The following ANKFN1 variants were observed in gnomAD, a reference collection of about 807,000 sequenced individuals.
The protein encoded by ANKFN1 is ankyrin repeat and fibronectin type III domain containing 1.
Under a neutral mutation model 108.7 loss-of-function variants are expected in ANKFN1, and 74 were observed. The observed-to-expected ratio is 0.68, with a 90% CI of 0.56 to 0.83. The LOEUF is 0.83. Ranked by LOEUF, ANKFN1 falls within the 40% of genes least tolerant of loss-of-function variation. ANKFN1 has a pLI of 0.00. For missense variants in ANKFN1, 1,505 were observed against 1,382.3 expected (o/e 1.09, Z -1.41); for synonymous variants, 547 against 516.2 (o/e 1.06, Z -0.81).
intron 1 of ANKFN1, among the ~76,000 whole-genome samples, chr17:56,181,406 T>C (rs187305730): frequency 2.0e-5 from 3 of 152,320 alleles, no homozygotes; most frequent in Admixed American, 6.5e-5. Context: ...ATAAATAGTG[T>C]GTCATTTCTT....
At chr17:56,300,232 G>A (rs538481432) in intron 3 of ANKFN1, among the ~76,000 whole-genome samples, 1 of 152,286 alleles carries the variant, frequency 6.6e-6, no homozygotes, top group African/African-American at 2.4e-5. Flanking sequence ...ATCAGAGCAT[G>A]AGTTTGTAAA....
chr17:56,074,030 G>C (rs1433989481), intron 4 of ANKFN1, among the ~76,000 whole-genome samples: 6 of 152,186 alleles, frequency 3.9e-5, no homozygotes, highest in African/African-American at 1.4e-4. Flanking sequence ...GAATTTCTGG[G>C]TCATATGGTA....
chr17:56,499,070 A>G lies in ANKFN1; in HGVS notation c.2616A>G (p.Pro872=). The change falls in exon 20 of 21, where the codon CCA becomes CCG. Residue 872 remains proline, a synonymous_variant. Transcript: ENST00000682825. The stretch of plus-strand genomic sequence containing the variant: ...GTCTTCCATCCCCACCCCCATCCCC[A>G]GAGATGCACAGAAGAAAGACAGTGA... ...IDCLPSPPPS[P]EMHRRKTVSD... The G allele has an allele frequency of 6.5e-7, 1 of 1,535,418 alleles. No individual in the cohort carries two copies.
intron 4 of ANKFN1, among the ~76,000 whole-genome samples, chr17:56,345,812 C>T (rs1202905919): frequency 6.6e-6 from 1 of 152,116 alleles, no homozygotes; most frequent in Admixed American, 6.6e-5. Flanking sequence ...GGGCAGATTG[C>T]AAAAGTTTTC....
In ANKFN1 at chr17:56,515,198, T is replaced by C. The variant is rs1044158324; in HGVS notation, c.*3929T>C. Among the ~76,000 whole-genome samples, 1 of 152,204 alleles carries C rather than the reference T, an allele frequency of 6.6e-6. No homozygotes were observed. The highest frequency in any genetic ancestry group is 1.5e-5 in the Non-Finnish European group (1 of 68,038). On this transcript the variant is annotated 3_prime_UTR_variant, in exon 21 of 21. Transcript: ENST00000682825. ...TGTTAGGAAGGTGATGACATTTTTCTACAGCTCTCTCAACTTCGTATGTAG... is the reference window on the plus strand; with the variant it reads ...TGTTAGGAAGGTGATGACATTTTTCCACAGCTCTCTCAACTTCGTATGTAG...
intron 3 of ANKFN1, among the ~76,000 whole-genome samples, chr17:56,235,102 G>A (rs551035644): frequency 3.3e-5 from 5 of 152,062 alleles, no homozygotes; most frequent in African/African-American, 4.8e-5. Flanking sequence ...TCTAATGTTC[G>A]GTGATATTTG....
chr17:56,113,890 G>C (rs1440941592), intron 4 of ANKFN1, among the ~76,000 whole-genome samples: 2 of 152,118 alleles, frequency 1.3e-5, no homozygotes, highest in Non-Finnish European at 2.9e-5. Flanking sequence ...TTGATCCTTT[G>C]TAGAGCAGAG....
chr17:56,349,827 G>C (rs915816780), intron 4 of ANKFN1, among the ~76,000 whole-genome samples: 6 of 152,254 alleles, frequency 3.9e-5, no homozygotes, highest in African/African-American at 1.4e-4. Flanking sequence ...GCAGTGACAT[G>C]CTCCAGAGAA....
At chr17:56,469,000 G>C (rs777782189) in intron 15 of ANKFN1, among the ~76,000 whole-genome samples, 2 of 152,162 alleles carry the variant, frequency 1.3e-5, no homozygotes, top group Non-Finnish European at 2.9e-5. Context: ...GGCTACCTTT[G>C]CTCCTAGAAA....
chr17:56,455,867 G>C (rs2049675567), intron 11 of ANKFN1, among the ~76,000 whole-genome samples: 1 of 152,142 alleles, frequency 6.6e-6, no homozygotes, highest in Admixed American at 6.5e-5. Flanking sequence ...TGTTTTCCCA[G>C]GCACTGACTT....
chr17:56,330,928 A>G (rs912380355), intron 4 of ANKFN1, among the ~76,000 whole-genome samples: 1 of 152,154 alleles, frequency 6.6e-6, no homozygotes, highest in Non-Finnish European at 1.5e-5. Flanking sequence ...CACTTAATAT[A>G]TATACATTAA....
chr17:56,510,737 T>TC lies in ANKFN1; in HGVS notation c.2911dup (p.His971ProfsTer2). On this transcript the variant is annotated frameshift_variant, in exon 21 of 21. Transcript: ENST00000682825. LOFTEE classifies it low-confidence loss of function (END_TRUNC). The stretch of plus-strand genomic sequence containing the variant: ...CCCGATCACTCATGTGCCGAGTTTC[T>TC]CCATAGCCTGACCCTCACGGGGTTC... The TC allele has an allele frequency of 1.3e-6, 2 of 1,536,008 alleles. No homozygotes were observed. Among genetic ancestry groups the TC allele is most frequent in the South Asian group, 1.2e-5 (1 of 84,052 alleles).
Position 56,492,302 on chromosome 17 carries a change from C to T in ANKFN1, c.2376C>T (p.Ser792=), listed in dbSNP as rs775723907. ...CCCTCAGGGAAGCAATCTCAGACAG[C>T]GAGGTTGCAGCTGCCAAACAAAGAC... ...QQSLREAISD[S]EVAAAKQRHQ... is the part of the protein sequence containing the mutation. The change falls in exon 19 of 21, where the codon AGC becomes AGT. Residue 792 remains serine, a synonymous_variant. Coordinates refer to ENST00000682825, the MANE Select transcript of ANKFN1 (RefSeq NM_001370326.1). 8 of 702,338 alleles carry T rather than the reference C, an allele frequency of 1.1e-5. No homozygotes were observed. The highest frequency in any genetic ancestry group is 4.0e-5 in the Admixed American group (2 of 49,980). 43.5% of individuals were successfully genotyped at this position (702,338 alleles called of 1,614,324 possible). A position where few individuals can be genotyped will look rare whatever the true frequency, so the allele number is the denominator to read the frequency against.
chr17:56,191,486 TGG>T, intron 1 of ANKFN1, among the ~76,000 whole-genome samples: 1 of 48,014 alleles, frequency 2.1e-5, no homozygotes, highest in Non-Finnish European at 3.2e-5. Flanking sequence ...TTAGTTTGGC[TGG>T]ATATGAAATT....
intron 8 of ANKFN1, among the ~76,000 whole-genome samples, chr17:56,393,865 C>T (rs1443432916): frequency 2.0e-5 from 3 of 152,116 alleles, no homozygotes; most frequent in Non-Finnish European, 2.9e-5. Flanking sequence ...CAGTTGCTGC[C>T]GTAATAGTGG....
At chr17:56,417,486 AC>A (rs1184010512) in intron 8 of ANKFN1, among the ~76,000 whole-genome samples, 1 of 152,226 alleles carries the variant, frequency 6.6e-6, no homozygotes, top group Non-Finnish European at 1.5e-5. Context: ...TGCAGCAGGG[AC>A]TATATAGTCA....
chr17:56,476,266 G>A (rs982206662), intron 15 of ANKFN1, among the ~76,000 whole-genome samples: 10 of 152,148 alleles, frequency 6.6e-5, no homozygotes, highest in African/African-American at 2.4e-4. Context: ...CTGCCCAAAT[G>A]TAAAAGTTTT....
intron 3 of ANKFN1, among the ~76,000 whole-genome samples, chr17:56,262,838 TAGAG>T (rs1468720844): frequency 7.6e-6 from 1 of 132,020 alleles, no homozygotes; most frequent in African/African-American, 3.3e-5. Context: ...GCAAGATAGT[TAGAG>T]AGACGAGCCA....
At chr17:56,427,449 G>A (rs1184078323) in intron 8 of ANKFN1, among the ~76,000 whole-genome samples, 1 of 151,906 alleles carries the variant, frequency 6.6e-6, no homozygotes, top group Non-Finnish European at 1.5e-5. Flanking sequence ...ACTTATCTTG[G>A]CCACTATTGC....
Sources: allele counts gnomAD v4.1 joint callset (sites outside exome capture counted in the v4.1 genomes callset), GRCh38; gene constraint gnomAD v4.1.1; transcripts MANE v1.5; gene names NCBI Gene and HGNC (gene_info 2026-07-23, HGNC 2026-07-21).